Variants in LEKR1 observed in about 807,000 individuals in gnomAD.
The protein encoded by LEKR1 is protein LEKR1.
A neutral mutation model predicts 72.4 loss-of-function variants in LEKR1; 59 were observed. That is an observed-to-expected ratio of 0.82 (90% confidence interval 0.66 to 1.01). LEKR1 has a LOEUF of 1.01. Ranked by LOEUF, LEKR1 falls within the 50% of genes least tolerant of loss-of-function variation. LEKR1 has a pLI of 0.00. For missense variants in LEKR1, 728 were observed against 759.2 expected (o/e 0.96, Z 0.48); for synonymous variants, 257 against 263.2 (o/e 0.98, Z 0.23).
chr3:156,847,313 T>C (rs1312851537), intron 2 of LEKR1, among the ~76,000 whole-genome samples: 3 of 152,266 alleles, frequency 2.0e-5, no homozygotes, highest in African/African-American at 4.8e-5. Flanking sequence ...TTTCATAGTT[T>C]ATTTTCAAAT....
intron 3 of LEKR1, among the ~76,000 whole-genome samples, chr3:156,891,145 T>C (rs1439627176): frequency 6.6e-6 from 1 of 152,098 alleles, no homozygotes. Flanking sequence ...GTGCTGGGAT[T>C]ACAGGCGTGA....
intron 2 of LEKR1, among the ~76,000 whole-genome samples, chr3:156,844,258 AT>A (rs953598016): frequency 1.7e-4 from 26 of 152,096 alleles, no homozygotes; most frequent in Non-Finnish European, 3.4e-4. Context: ...TCCCAGATTG[AT>A]TTTTTTCTAT....
chr3:156,929,162 A>G (rs982487821), intron 5 of LEKR1, among the ~76,000 whole-genome samples: 2 of 151,796 alleles, frequency 1.3e-5, no homozygotes, highest in Admixed American at 6.6e-5. Context: ...CACTGGATGG[A>G]CTTTTTTTTT....
chr3:157,025,440 T>C (rs1352249876), intron 11 of LEKR1, among the ~76,000 whole-genome samples: 1 of 152,156 alleles, frequency 6.6e-6, no homozygotes, highest in Non-Finnish European at 1.5e-5. Context: ...TTATAGGACT[T>C]GAGTGTAGAG....
chr3:157,007,850 G>A (rs56225379), intron 9 of LEKR1, among the ~76,000 whole-genome samples: 101 of 152,274 alleles, frequency 6.6e-4, no homozygotes, highest in African/African-American at 2.4e-3. Flanking sequence ...AACTTAAGAT[G>A]TTTCTAAAAT....
intron 7 of LEKR1, among the ~76,000 whole-genome samples, chr3:156,984,932 A>G (rs1032730508): frequency 1.3e-5 from 2 of 151,776 alleles, no homozygotes; most frequent in Non-Finnish European, 1.5e-5. Flanking sequence ...GACAGTCTCT[A>G]TTATTGAGAT....
intron 3 of LEKR1, among the ~76,000 whole-genome samples, chr3:156,885,686 A>T (rs1013336968): frequency 1.3e-5 from 2 of 152,186 alleles, no homozygotes; most frequent in African/African-American, 2.4e-5. Flanking sequence ...AGTAAAGTAG[A>T]CCCTATGAGA....
At chr3:156,879,714 C>T (rs1315556896) in intron 3 of LEKR1, among the ~76,000 whole-genome samples, 4 of 152,156 alleles carry the variant, frequency 2.6e-5, no homozygotes, top group African/African-American at 7.2e-5. Flanking sequence ...GTGCCAGGCT[C>T]AGGGATTCTG....
At chr3:157,019,083 A>G (rs1475183753) in intron 10 of LEKR1, among the ~76,000 whole-genome samples, 1 of 152,228 alleles carries the variant, frequency 6.6e-6, no homozygotes, top group Non-Finnish European at 1.5e-5. Flanking sequence ...TAAGTTTTGT[A>G]AAATAGTACA....
chr3:156,849,823 A>C lies in LEKR1; in HGVS notation c.49-2945A>C, dbSNP rs538502011. On this transcript the variant is annotated intron_variant, in intron 2 of 12. Coordinates refer to ENST00000356539, the MANE Select transcript of LEKR1 (RefSeq NM_001004316.3). Reference sequence around the variant, plus strand: ...AAAAACCCTAGAAGAAAACCTAGGCAATACCATTCAGGACATAGGCATGGG... The same window carrying C: ...AAAAACCCTAGAAGAAAACCTAGGCCATACCATTCAGGACATAGGCATGGG... 3.0e-3 allele frequency among the ~76,000 whole-genome samples: 460 copies of C among 152,308 alleles called. 3 individuals carry two copies. The highest frequency in any genetic ancestry group is 3.8e-3 in the Non-Finnish European group (258 of 68,018).
intron 9 of LEKR1, among the ~76,000 whole-genome samples, chr3:156,994,941 G>A (rs1272265553): frequency 6.6e-6 from 1 of 152,146 alleles, no homozygotes; most frequent in African/African-American, 2.4e-5. Flanking sequence ...ATTGTTTCTG[G>A]AACTCTTCTC....
At chr3:157,041,984 G>C (rs1024633392) in intron 12 of LEKR1, among the ~76,000 whole-genome samples, 1 of 152,108 alleles carries the variant, frequency 6.6e-6, no homozygotes, top group African/African-American at 2.4e-5. Flanking sequence ...TGCCTTATCA[G>C]ACTACACCCC....
intron 3 of LEKR1, among the ~76,000 whole-genome samples, chr3:156,897,244 C>T (rs755671081): frequency 2.2e-4 from 34 of 152,178 alleles, no homozygotes; most frequent in Non-Finnish European, 3.5e-4. Context: ...TGATGGTATT[C>T]GGAGATGGGG....
At chr3:156,880,892 A>T (rs566405550) in intron 3 of LEKR1, among the ~76,000 whole-genome samples, 119 of 152,280 alleles carry the variant, frequency 7.8e-4, no homozygotes, top group African/African-American at 2.7e-3. Flanking sequence ...AGAACCAAAA[A>T]CAAAAACCAC....
intron 2 of LEKR1, among the ~76,000 whole-genome samples, chr3:156,849,476 C>CT: frequency 6.6e-6 from 1 of 152,252 alleles, no homozygotes; most frequent in East Asian, 1.9e-4. Context: ...AAGAACAAAG[C>CT]TGGAGGCATC....
intron 3 of LEKR1, among the ~76,000 whole-genome samples, chr3:156,879,457 G>A (rs957636001): frequency 6.6e-6 from 1 of 152,122 alleles, no homozygotes; most frequent in Non-Finnish European, 1.5e-5. Context: ...GCTGTTAAAA[G>A]CATTCCGTTT....
chr3:157,027,368 G>GA (rs1023788421), intron 11 of LEKR1, among the ~76,000 whole-genome samples: 51 of 150,464 alleles, frequency 3.4e-4, no homozygotes, highest in East Asian at 5.8e-4. Flanking sequence ...ATACAAAAAA[G>GA]AAAAAAAAAT....
In LEKR1 at chr3:156,878,005, A is replaced by G. The variant is rs149158431; in HGVS notation, c.263+25023A>G. On this transcript the variant is annotated intron_variant, in intron 3 of 12. Transcript: ENST00000356539. ...ACCATGTTGGTCAGGCTGGTCTCGA[A>G]CTCCTGACCTTGTGATCTGCCTGCC... Among the ~76,000 whole-genome samples the G allele has an allele frequency of 4.5e-4, 68 of 151,208 alleles. 1 individual carries two copies. The East Asian group carries it at 0.013, about 29-fold the overall frequency.
intron 3 of LEKR1, among the ~76,000 whole-genome samples, chr3:156,904,419 T>TG (rs1174595254): frequency 1.3e-5 from 2 of 148,740 alleles, no homozygotes; most frequent in Non-Finnish European, 3.0e-5. Context: ...AGAATCATGT[T>TG]TTTTTTTTTT....
Sources: gnomAD v4.1 joint callset for allele counts (sites outside exome capture counted in the v4.1 genomes callset) on GRCh38, gnomAD v4.1.1 for gene constraint, MANE v1.5 for transcripts, NCBI Gene and HGNC (gene_info 2026-07-23, HGNC 2026-07-21) for gene names.